The following ATXN7L1 variants were observed in gnomAD, a reference collection of about 807,000 sequenced individuals.
ATXN7L1 encodes the protein ataxin-7-like protein 1.
In ATXN7L1, 15 loss-of-function variants were observed where a neutral mutation model predicts 70.8. The ratio of observed to expected loss-of-function variants is 0.21; its 90% confidence interval spans 0.14 to 0.33. The LOEUF (loss-of-function observed/expected upper bound fraction) is 0.33. ATXN7L1 is among the 10% of genes least tolerant of loss of function. The pLI, the probability that ATXN7L1 is intolerant of heterozygous loss-of-function variation, is 1.00. For synonymous variants in ATXN7L1, 440 were observed against 445.1 expected (o/e 0.99, Z 0.14); for missense variants, 975 against 1,097.1 (o/e 0.89, Z 1.57).
At chr7:105,768,760 C>T (rs1801602566) in intron 3 of ATXN7L1, among the ~76,000 whole-genome samples, 1 of 152,220 alleles carries the variant, frequency 6.6e-6, no homozygotes, top group African/African-American at 2.4e-5. Context: ...AGTAATCTTC[C>T]TTCAGAGTCA....
intron 3 of ATXN7L1, among the ~76,000 whole-genome samples, chr7:105,695,156 C>T (rs986486775): frequency 6.6e-5 from 10 of 151,258 alleles, no homozygotes; most frequent in African/African-American, 9.7e-5. Context: ...GCGTGGTGGC[C>T]GGTGCCTGTA....
At chr7:105,618,180 C>T (rs192082882) in intron 9 of ATXN7L1, 71 of 395,840 alleles carry the variant, frequency 1.8e-4, no homozygotes, top group African/African-American at 9.5e-4. Flanking sequence ...TCCACGTGTC[C>T]GGGATTGACA....
At chr7:105,782,914 G>A (rs1204873856) in intron 3 of ATXN7L1, among the ~76,000 whole-genome samples, 3 of 152,234 alleles carry the variant, frequency 2.0e-5, no homozygotes, top group Admixed American at 6.5e-5. Flanking sequence ...AATGAAGGCA[G>A]GAAGCACTTG....
chr7:105,645,107 G>T, intron 4 of ATXN7L1, among the ~76,000 whole-genome samples: 1 of 151,766 alleles, frequency 6.6e-6, no homozygotes, highest in East Asian at 1.9e-4. Context: ...AGAATGGGCA[G>T]TTTTTTTTAA....
chr7:105,865,217 C>T (rs1458327794), intron 2 of ATXN7L1, among the ~76,000 whole-genome samples: 1 of 152,238 alleles, frequency 6.6e-6, no homozygotes, highest in East Asian at 1.9e-4. Flanking sequence ...TTTATTTCCA[C>T]AACAATTCTG....
intron 2 of ATXN7L1, among the ~76,000 whole-genome samples, chr7:105,791,872 A>G (rs956637624): frequency 1.1e-4 from 16 of 152,216 alleles, no homozygotes; most frequent in African/African-American, 3.9e-4. Flanking sequence ...TAAAACAACA[A>G]CAGCAACAAA....
At chr7:105,795,336 A>C (rs951429768) in intron 2 of ATXN7L1, among the ~76,000 whole-genome samples, 3 of 152,218 alleles carry the variant, frequency 2.0e-5, no homozygotes, top group African/African-American at 7.2e-5. Flanking sequence ...TGACAAGCAA[A>C]GTCATGTGTT....
Position 105,796,229 on chromosome 7 carries a change from C to T in ATXN7L1, c.251-7521G>A, listed in dbSNP as rs143018979. On this transcript the variant is annotated intron_variant, in intron 2 of 11. Coordinates refer to ENST00000419735, the MANE Select transcript of ATXN7L1 (RefSeq NM_020725.2). Reference sequence around the variant, plus strand: ...AATACAACCATTAGGTGGGCGTGGTCGTGCGCACCTGTAGTCCCAGCTACT... The same window carrying T: ...AATACAACCATTAGGTGGGCGTGGTTGTGCGCACCTGTAGTCCCAGCTACT... Among the ~76,000 whole-genome samples the T allele has an allele frequency of 2.3e-4, 35 of 152,170 alleles. 1 individual carries two copies. In the East Asian group the frequency reaches 5.6e-3, roughly 24 times the overall value.
In ATXN7L1 at chr7:105,613,853, G is replaced by T. The variant is rs1217621458; in HGVS notation, c.2472+9C>A. The T allele has an allele frequency of 2.6e-6, 4 of 1,551,832 alleles. No homozygotes were observed. The East Asian group carries it at 9.8e-5, about 38-fold the overall frequency. On this transcript the variant is annotated intron_variant, in intron 10 of 11. Coordinates refer to ENST00000419735, the MANE Select transcript of ATXN7L1 (RefSeq NM_020725.2). The stretch of plus-strand genomic sequence containing the variant: ...GAGCCGGTGAAGGCGGTGCCAGGAG[G>T]TCCCTTACCTGCCGAGAGGAGGTGC...
At chr7:105,833,055 T>A (rs972882992) in intron 2 of ATXN7L1, among the ~76,000 whole-genome samples, 2 of 152,192 alleles carry the variant, frequency 1.3e-5, no homozygotes, top group African/African-American at 2.4e-5. Context: ...TAATGGCTTC[T>A]CACCACACCA....
chr7:105,746,164 A>G (rs1475812779), intron 3 of ATXN7L1, among the ~76,000 whole-genome samples: 2 of 152,126 alleles, frequency 1.3e-5, no homozygotes, highest in African/African-American at 4.8e-5. Flanking sequence ...CACCAGGCTG[A>G]TACAGGCCAC....
At chr7:105,791,689 C>T (rs751660557) in intron 2 of ATXN7L1, among the ~76,000 whole-genome samples, 1 of 152,164 alleles carries the variant, frequency 6.6e-6, no homozygotes, top group Non-Finnish European at 1.5e-5. Context: ...ACTTTATTAA[C>T]ACTTCGCATC....
chr7:105,651,050 T>A (rs1263829950), intron 4 of ATXN7L1, among the ~76,000 whole-genome samples: 1 of 152,210 alleles, frequency 6.6e-6, no homozygotes, highest in African/African-American at 2.4e-5. Context: ...TATCACAGCC[T>A]TCTGGCTACC....
At chr7:105,744,916 T>C (rs540788912) in intron 3 of ATXN7L1, among the ~76,000 whole-genome samples, 1 of 152,018 alleles carries the variant, frequency 6.6e-6, no homozygotes, top group Non-Finnish European at 1.5e-5. Flanking sequence ...TCTTGTATTT[T>C]TAGTAGAGAT....
intron 3 of ATXN7L1, among the ~76,000 whole-genome samples, chr7:105,680,542 G>T (rs569426226): frequency 3.3e-5 from 5 of 152,268 alleles, no homozygotes; most frequent in African/African-American, 1.2e-4. Context: ...TAGTAGGGGG[G>T]TGTTGAGGGG....
chr7:105,670,131 G>T (rs565691052), intron 3 of ATXN7L1, among the ~76,000 whole-genome samples: 6 of 152,110 alleles, frequency 3.9e-5, no homozygotes, highest in African/African-American at 1.4e-4. Context: ...ACACAGTTTT[G>T]CGTTGGTGAG....
At chr7:105,754,046 G>A (rs914460269) in intron 3 of ATXN7L1, among the ~76,000 whole-genome samples, 5 of 152,202 alleles carry the variant, frequency 3.3e-5, no homozygotes, top group Non-Finnish European at 7.3e-5. Context: ...CTGCATGGGA[G>A]TATTGTATAG....
chr7:105,869,833 C>A (rs1266790513), intron 2 of ATXN7L1, among the ~76,000 whole-genome samples: 1 of 151,974 alleles, frequency 6.6e-6, no homozygotes, highest in Non-Finnish European at 1.5e-5. Flanking sequence ...AATAAAACAA[C>A]TTATCGATCA....
intron 2 of ATXN7L1, among the ~76,000 whole-genome samples, chr7:105,799,511 C>T (rs1426131691): frequency 6.2e-5 from 3 of 48,138 alleles, no homozygotes; most frequent in Non-Finnish European, 1.3e-4. Context: ...CGAGAGACCT[C>T]TGATCCTGTG....
Sources: gnomAD v4.1 joint callset for allele counts (sites outside exome capture counted in the v4.1 genomes callset) on GRCh38, gnomAD v4.1.1 for gene constraint, MANE v1.5 for transcripts, NCBI Gene and HGNC (gene_info 2026-07-23, HGNC 2026-07-21) for gene names.